Variants in ANKIB1 observed in about 807,000 individuals in gnomAD.
ANKIB1 encodes the protein ankyrin repeat and IBR domain containing 1, also known as ankyrin repeat and IBR domain-containing protein 1.
In ANKIB1, 43 loss-of-function variants were observed where a neutral mutation model predicts 122.1. The ratio of observed to expected loss-of-function variants is 0.35; its 90% CI spans 0.28 to 0.45. The LOEUF is 0.45. ANKIB1 is among the 20% of genes least tolerant of loss of function. The pLI is 1.00. For missense variants in ANKIB1, 992 were observed against 1,329.5 expected, an observed-to-expected ratio of 0.75 and a Z score of 3.95; for synonymous variants, 390 against 442.0, an observed-to-expected ratio of 0.88 and a Z score of 1.48.
chr7:92,284,061 AC>A (rs1350869245), intron 1 of ANKIB1, among the ~76,000 whole-genome samples: 1 of 152,046 alleles, frequency 6.6e-6, no homozygotes, highest in African/African-American at 2.4e-5. Flanking sequence ...GAGCCACTGC[AC>A]CCGGCCACTT....
intron 9 of ANKIB1, among the ~76,000 whole-genome samples, chr7:92,356,443 A>G (rs1375186164): frequency 6.6e-6 from 1 of 152,252 alleles, no homozygotes; most frequent in Non-Finnish European, 1.5e-5. Context: ...AAATAAAAAC[A>G]TGATACTACT....
chr7:92,291,074 A>G (rs1313525365), intron 1 of ANKIB1, among the ~76,000 whole-genome samples: 1 of 152,148 alleles, frequency 6.6e-6, no homozygotes, highest in Non-Finnish European at 1.5e-5. Context: ...TGGGCAGATC[A>G]CCTGAAGTCA....
chr7:92,376,456 T>TTA (rs1381664224), intron 11 of ANKIB1, among the ~76,000 whole-genome samples: 2 of 150,982 alleles, frequency 1.3e-5, no homozygotes, highest in East Asian at 1.9e-4. Context: ...TTTTTTATTT[T>TTA]TTTTTTTTTT....
chr7:92,381,963 C>A (rs1317598302), intron 11 of ANKIB1, among the ~76,000 whole-genome samples: 4 of 151,838 alleles, frequency 2.6e-5, no homozygotes, highest in South Asian at 2.1e-4. Context: ...GATAAAGAGT[C>A]AAGACTTATC....
intron 8 of ANKIB1, among the ~76,000 whole-genome samples, chr7:92,352,008 A>T (rs990562084): frequency 6.6e-6 from 1 of 152,102 alleles, no homozygotes; most frequent in African/African-American, 2.4e-5. Context: ...GGCGTGAGCC[A>T]CTGTGCCCAA....
chr7:92,307,648 T>C lies in ANKIB1; in HGVS notation c.478T>C (p.Cys160Arg). 6.5e-7 allele frequency: 1 copy of C among 1,549,388 alleles called. No homozygotes were observed. The highest frequency in any genetic ancestry group is 8.7e-7 in the Non-Finnish European group (1 of 1,154,052). The change falls in exon 3 of 20, where the codon TGT becomes CGT. Residue 160 changes from cysteine (C) to arginine (R), a missense_variant. Transcript: ENST00000265742. ...TGCTGCTGCCTCAGGGATGAAAGCC[T>C]GTGTAGAGGTAAATTTTTTTTTTTT... ...HYAAASGMKA[C>R]VELLVKHGGD...
chr7:92,251,651 A>C (rs1801333147), intron 1 of ANKIB1, among the ~76,000 whole-genome samples: 1 of 151,938 alleles, frequency 6.6e-6, no homozygotes. Flanking sequence ...ATACATACAT[A>C]CCTCCTCATT....
intron 5 of ANKIB1, among the ~76,000 whole-genome samples, chr7:92,330,244 A>G (rs546937168): frequency 2.0e-5 from 3 of 152,226 alleles, no homozygotes; most frequent in South Asian, 2.1e-4. Flanking sequence ...TGTAATTACA[A>G]TCTCTTTATT....
rs113984994 is a variant in ANKIB1, at chr7:92,311,728, A to C, written c.486+4072A>C. On this transcript the variant is annotated intron_variant, in intron 3 of 19. Coordinates refer to ENST00000265742, the MANE Select transcript of ANKIB1 (RefSeq NM_019004.2). The stretch of plus-strand genomic sequence containing the variant: ...GTTCTGTAATAAGCGCCCCCCCCAC[A>C]CACACACACACAGAACATAAAATTA... Among the ~76,000 whole-genome samples the C allele has an allele frequency of 1.6e-3, 237 of 150,986 alleles. 2 individuals carry two copies. The highest frequency in any genetic ancestry group is 5.2e-3 in the African/African-American group (213 of 40,948).
At chr7:92,257,946 A>G (rs1801483586) in intron 1 of ANKIB1, among the ~76,000 whole-genome samples, 1 of 152,224 alleles carries the variant, frequency 6.6e-6, no homozygotes, top group African/African-American at 2.4e-5. Context: ...TGTGTTTGCC[A>G]TGTGGTGACA....
rs374759519 is a variant in ANKIB1 at position 92,250,192 on chromosome 7, G to A, written c.-91+3673G>A. Among the ~76,000 whole-genome samples, 5 of 152,158 alleles carry A rather than the reference G, an allele frequency of 3.3e-5. 1 individual carries two copies. Among genetic ancestry groups the A allele is most frequent in the Admixed American group, 6.5e-5 (1 of 15,290 alleles). Reference sequence around the variant, plus strand: ...GCGGATCACCTGAGGTCAGGAGTTCGAGACCAGCCTGACCAACATAGAGAA... The same window carrying A: ...GCGGATCACCTGAGGTCAGGAGTTCAAGACCAGCCTGACCAACATAGAGAA... On this transcript the variant is annotated intron_variant, in intron 1 of 19. Transcript: ENST00000265742.
At chr7:92,266,328 T>C (rs1023809346) in intron 1 of ANKIB1, among the ~76,000 whole-genome samples, 10 of 152,088 alleles carry the variant, frequency 6.6e-5, no homozygotes, top group African/African-American at 2.4e-4. Flanking sequence ...TATAAAGAAT[T>C]ATTTACTATA....
chr7:92,362,372 G>A (rs1195007297), intron 10 of ANKIB1, 99 bp downstream of exon 10: 1 of 1,133,584 alleles, frequency 8.8e-7, no homozygotes, highest in Non-Finnish European at 1.3e-6. Context: ...GAGGTTTTCA[G>A]ATTTGTTAAT....
chr7:92,272,618 A>G (rs1419307662), intron 1 of ANKIB1, among the ~76,000 whole-genome samples: 1 of 152,198 alleles, frequency 6.6e-6, no homozygotes, highest in Non-Finnish European at 1.5e-5. Context: ...AGATTGGTGT[A>G]GGAGGGGATC....
At position 92,274,446 on chromosome 7, in the gene ANKIB1, AG is replaced by A. The variant is rs2131895424; in HGVS notation, c.-90-20442del. On this transcript the variant is annotated intron_variant, in intron 1 of 19. Transcript: ENST00000265742. The stretch of plus-strand genomic sequence containing the variant: ...GAGTGTGCCTTTAAAAAAATTTTAC[AG>A]TGACTACTATATTGAAGGGTTTTAA... Among the ~76,000 whole-genome samples, 2 of 152,316 alleles carry A rather than the reference AG, an allele frequency of 1.3e-5. 1 individual carries two copies. The highest frequency in any genetic ancestry group is 3.9e-4 in the East Asian group (2 of 5,186).
intron 1 of ANKIB1, among the ~76,000 whole-genome samples, chr7:92,253,345 A>C (rs1464386536): frequency 6.6e-6 from 1 of 152,160 alleles, no homozygotes; most frequent in South Asian, 2.1e-4. Context: ...TACCCCTACT[A>C]ACACACATCA....
At chr7:92,254,424 A>G (rs183630170) in intron 1 of ANKIB1, among the ~76,000 whole-genome samples, 1 of 152,202 alleles carries the variant, frequency 6.6e-6, no homozygotes, top group Non-Finnish European at 1.5e-5. Context: ...ATTATTTTTC[A>G]GAAATATTGA....
intron 1 of ANKIB1, among the ~76,000 whole-genome samples, chr7:92,254,368 C>G (rs191340712): frequency 6.4e-4 from 97 of 152,224 alleles, no homozygotes; most frequent in African/African-American, 2.2e-3. Flanking sequence ...TAATTAATAT[C>G]TTTGTGCATA....
chr7:92,343,348 C>G (rs567794186), intron 6 of ANKIB1, 116 bp downstream of exon 6: 4 of 887,336 alleles, frequency 4.5e-6, no homozygotes, highest in Non-Finnish European at 7.0e-6. Context: ...TGAATCCTAT[C>G]CCTTTCTTGA....
Sources: gnomAD v4.1 joint callset for allele counts (sites outside exome capture counted in the v4.1 genomes callset) on GRCh38, gnomAD v4.1.1 for gene constraint, MANE v1.5 for transcripts, NCBI Gene and HGNC (gene_info 2026-07-23, HGNC 2026-07-21) for gene names.